Variants in UPK1A observed in about 807,000 individuals in gnomAD.
UPK1A encodes uroplakin-1a.
UPK1A carries 31 observed loss-of-function variants against 32.3 expected under a neutral mutation model. The ratio of observed to expected loss-of-function variants is 0.96; its 90% CI spans 0.72 to 1.30. The LOEUF is 1.30. UPK1A is among the 50% of genes most tolerant of loss of function. The pLI is 0.00. For missense variants in UPK1A, 340 were observed against 357.4 expected (o/e 0.95, Z 0.39); for synonymous variants, 135 against 137.1 (o/e 0.98, Z 0.11).
chr19:35,671,008 C>A (rs948640711), intron 3 of UPK1A, among the ~76,000 whole-genome samples: 4 of 152,042 alleles, frequency 2.6e-5, no homozygotes, highest in African/African-American at 7.2e-5. Context: ...AGCCACCACA[C>A]CTGCCCTCTT....
intron 3 of UPK1A, among the ~76,000 whole-genome samples, chr19:35,671,339 A>T (rs1470909686): frequency 1.0e-3 from 140 of 137,124 alleles, no homozygotes; most frequent in Non-Finnish European, 5.4e-4. Context: ...GTGAGCAGAG[A>T]TCGCGCCACT....
intron 2 of UPK1A, among the ~76,000 whole-genome samples, chr19:35,667,269 A>G (rs1015021856): frequency 9.2e-5 from 14 of 152,174 alleles, no homozygotes; most frequent in Non-Finnish European, 2.1e-4. Flanking sequence ...GAAAAACAAC[A>G]GTGTCTTTCA....
At chr19:35,675,560 C>T (rs548829938) in intron 5 of UPK1A, among the ~76,000 whole-genome samples, 172 of 150,790 alleles carry the variant, frequency 1.1e-3, no homozygotes, top group African/African-American at 4.1e-3. Context: ...GGATTACAGG[C>T]GTGAGACACC....
At chr19:35,672,040 AG>A (rs1351295592) in intron 3 of UPK1A, among the ~76,000 whole-genome samples, 2 of 152,218 alleles carry the variant, frequency 1.3e-5, no homozygotes, top group African/African-American at 4.8e-5. Flanking sequence ...TCCCAGCAGC[AG>A]AGTTCACACA....
exon 8 of UPK1A, chr19:35,678,221 C>A: frequency 1.7e-6 from 1 of 584,626 alleles, no homozygotes; most frequent in Non-Finnish European, 2.9e-6. Flanking sequence ...GGCTTGTGTG[C>A]ACATATCCTT....
chr19:35,667,498 A>T (rs1968017413), intron 2 of UPK1A, among the ~76,000 whole-genome samples: 1 of 140,922 alleles, frequency 7.1e-6, no homozygotes, highest in African/African-American at 2.9e-5. Context: ...ACGCCCGGCT[A>T]ATTTTTTTTT....
At chr19:35,666,706 G>A (rs1170262520) in intron 1 of UPK1A, 103 bp from the exon 2 acceptor site, 21 of 1,185,372 alleles carry the variant, frequency 1.8e-5, no homozygotes, top group African/African-American at 3.0e-5. Context: ...CCTGGGCCCC[G>A]CAGAGAGCTG....
At position 35,670,688 on chromosome 19, in the gene UPK1A, CCCTCCCTCCCTCCCTT is replaced by C. The variant is rs1032873181; in HGVS notation, c.285+2038_285+2053del. Among the ~76,000 whole-genome samples, 400 of 98,828 alleles carry C rather than the reference CCCTCCCTCCCTCCCTT, an allele frequency of 4.0e-3. 6 individuals carry two copies. The highest frequency in any genetic ancestry group is 6.6e-3 in the Non-Finnish European group (312 of 47,570). The allele number at this position is 98,828 out of a possible 152,430, so 64.8% of individuals were successfully genotyped here. On this transcript the variant is annotated intron_variant, in intron 3 of 7. Coordinates refer to ENST00000617999, the Ensembl canonical transcript of UPK1A. Reference sequence around the variant, plus strand: ...CCCTTCCTTCTTTCCCTCCCTCCCTCCCTCCCTCCCTCCCTTCCTTCCTTCCTTCCTTTCTTTGTTT... The same window carrying C: ...CCCTTCCTTCTTTCCCTCCCTCCCTCCCTTCCTTCCTTCCTTTCTTTGTTT...
chr19:35,667,306 T>TTTTTGTTTTG lies in UPK1A; in HGVS notation c.84+445_84+454dup, dbSNP rs142423365. Among the ~76,000 whole-genome samples, 975 of 150,200 alleles carry TTTTTGTTTTG rather than the reference T, an allele frequency of 6.5e-3. 10 individuals carry two copies. The highest frequency in any genetic ancestry group is 0.022 in the African/African-American group (873 of 40,586). On this transcript the variant is annotated intron_variant, in intron 2 of 7. Transcript: ENST00000617999. ...TTAACATTGGGTTTTGGTTTTGTGT[T>TTTTTGTTTTG]TTTTGTTTTGTTTTGTTTTGTTTTG...
At chr19:35,671,061 C>T (rs2146384097) in intron 3 of UPK1A, among the ~76,000 whole-genome samples, 1 of 152,000 alleles carries the variant, frequency 6.6e-6, no homozygotes, top group African/African-American at 2.4e-5. Flanking sequence ...AACAATTTAA[C>T]CAAAGCCCTA....
intron 6 of UPK1A, 87 bp from the exon 7 acceptor site, chr19:35,677,725 G>T: frequency 6.7e-7 from 1 of 1,498,076 alleles, no homozygotes. Flanking sequence ...GGAAGGTGGT[G>T]ACTTTCCCAA....
rs371411157 is a variant in UPK1A at position 35,666,846 on chromosome 19, G to A, written c.34G>A (p.Gly12Arg). The change falls in exon 2 of 8, where the codon GGA becomes AGA. Residue 12 changes from glycine (G) to arginine (R), a missense_variant. By Grantham distance (125) the Gly-to-Arg change is moderately radical. Transcript: ENST00000617999. ...TGCGGCAGCAGCGGAGGCCGAGAAG[G>A]GATCTCCAGTTGTGGTGGGCCTGCT... 132 of 1,614,028 alleles carry A rather than the reference G, an allele frequency of 8.2e-5. No homozygotes were observed. Among genetic ancestry groups the A allele is most frequent in the Non-Finnish European group, 1.1e-4 (131 of 1,180,040 alleles).
chr19:35,673,529 A>T (rs1968135853), exon 5 of UPK1A: 6 of 1,613,450 alleles, frequency 3.7e-6, no homozygotes, highest in Non-Finnish European at 3.4e-6. Context: ...CGCCTCTGGG[A>T]CCGCGTCATG....
chr19:35,673,339 C>T (rs1316455858), intron 4 of UPK1A, 33 bp downstream of exon 4: 5 of 1,613,252 alleles, frequency 3.1e-6, no homozygotes, highest in Non-Finnish European at 4.2e-6. Flanking sequence ...AGGGGCCTGA[C>T]CTGCATGGGA....
rs1968008904 is a variant in UPK1A, at chr19:35,666,993, TC to T, written c.84+98del. 4 of 1,245,114 alleles carry T rather than the reference TC, an allele frequency of 3.2e-6. No individual in the cohort carries two copies. In the Admixed American group the frequency reaches 7.4e-5, roughly 23 times the overall value. The allele number at this position is 1,245,114 out of a possible 1,614,324, so 77.1% of individuals were successfully genotyped here. A position where few individuals can be genotyped will look rare whatever the true frequency, so the allele number is the denominator to read the frequency against. Reference sequence around the variant, plus strand: ...GGGGATGAGGGTCCAGAACTGTCTCTCGGGCAGACTCAGTGGTCAGCACAGC... The same window carrying T: ...GGGGATGAGGGTCCAGAACTGTCTCTGGGCAGACTCAGTGGTCAGCACAGC... On this transcript the variant is annotated intron_variant, in intron 2 of 7. Transcript: ENST00000617999.
At chr19:35,675,031 G>A in intron 5 of UPK1A, among the ~76,000 whole-genome samples, 1 of 141,162 alleles carries the variant, frequency 7.1e-6, no homozygotes, top group Admixed American at 7.4e-5. Flanking sequence ...AACAGAGGGA[G>A]ACTCCGTCTC....
intron 6 of UPK1A, among the ~76,000 whole-genome samples, chr19:35,677,187 G>A (rs1296314084): frequency 6.6e-6 from 1 of 151,114 alleles, no homozygotes; most frequent in Non-Finnish European, 1.5e-5. Context: ...TGGTGCCACT[G>A]CACTCTAGCC....
intron 3 of UPK1A, among the ~76,000 whole-genome samples, chr19:35,671,846 C>T (rs1285801839): frequency 1.3e-5 from 2 of 152,144 alleles, no homozygotes; most frequent in East Asian, 1.9e-4. Context: ...ATTTCAACAA[C>T]ATCAGCTGCA....
chr19:35,667,059 G>C (rs888805434), intron 2 of UPK1A, among the ~76,000 whole-genome samples, 163 bp downstream of exon 2: 4 of 152,158 alleles, frequency 2.6e-5, no homozygotes, highest in Non-Finnish European at 5.9e-5. Flanking sequence ...CCAGCTCTGT[G>C]ACCTTAGCAA....
Sources: allele counts gnomAD v4.1 joint callset (sites outside exome capture counted in the v4.1 genomes callset), GRCh38; gene constraint gnomAD v4.1.1; transcripts MANE v1.5; gene names NCBI Gene and HGNC (gene_info 2026-07-23, HGNC 2026-07-21).